ATP9B: variants seen among roughly 807,000 people sequenced by gnomAD.
ATP9B encodes the protein probable phospholipid-transporting ATPase IIB.
In ATP9B, 110 loss-of-function variants were observed where a neutral mutation model predicts 146.1. The ratio of observed to expected loss-of-function variants is 0.75; its 90% CI spans 0.65 to 0.88. ATP9B has a LOEUF of 0.88. ATP9B is among the 40% of genes least tolerant of loss of function. The pLI is 0.00. For missense variants in ATP9B, 1,499 were observed against 1,496.4 expected, an observed-to-expected ratio of 1.00 and a Z score of -0.03; for synonymous variants, 604 against 569.7, an observed-to-expected ratio of 1.06 and a Z score of -0.86.
intron 12 of ATP9B, among the ~76,000 whole-genome samples, chr18:79,268,230 A>G (rs2096223254): frequency 1.3e-5 from 2 of 151,838 alleles, no homozygotes; most frequent in African/African-American, 4.8e-5. Flanking sequence ...CTGTATATTT[A>G]TTTTTATGTG....
At position 79,275,075 on chromosome 18, in the gene ATP9B, T is replaced by A. The variant is rs553646011; in HGVS notation, c.1269-1979T>A. ...TTGCATTATAGTAGCTGAGGCAGGC[T>A]GACACTCTTCAAAACAGTATGACAC... On this transcript the variant is annotated intron_variant, in intron 12 of 29. Transcript: ENST00000426216. 6.6e-5 allele frequency among the ~76,000 whole-genome samples: 10 copies of A among 152,284 alleles called. No individual in the cohort carries two copies. The South Asian group carries it at 1.9e-3, about 28-fold the overall frequency.
intron 25 of ATP9B, among the ~76,000 whole-genome samples, chr18:79,351,220 A>C (rs866920914): frequency 2.6e-5 from 4 of 152,266 alleles, no homozygotes; most frequent in Non-Finnish European, 4.4e-5. Flanking sequence ...AAACATGAAA[A>C]GGAAAATGTG....
chr18:79,096,440 TG>T, intron 1 of ATP9B, 35 bp from the exon 2 acceptor site: 7 of 1,588,742 alleles, frequency 4.4e-6, no homozygotes, highest in Non-Finnish European at 6.0e-6. Flanking sequence ...GAAGACTGCT[TG>T]GCCTATCTCA....
intron 15 of ATP9B, among the ~76,000 whole-genome samples, chr18:79,312,409 C>T (rs1306936771): frequency 3.3e-5 from 5 of 152,228 alleles, no homozygotes; most frequent in Admixed American, 1.3e-4. Context: ...GGCACTCGCT[C>T]GTTTGCTTCT....
intron 26 of ATP9B, chr18:79,364,413 G>T (rs2147895369): frequency 6.6e-6 from 1 of 152,314 alleles, no homozygotes. Flanking sequence ...GAACAGAAAA[G>T]AGAGCCCAGA....
At chr18:79,131,486 C>T (rs961726837) in intron 5 of ATP9B, among the ~76,000 whole-genome samples, 1 of 152,162 alleles carries the variant, frequency 6.6e-6, no homozygotes, top group Admixed American at 6.5e-5. Flanking sequence ...TCACCATACA[C>T]CACTAGGTTG....
rs2096918952 is a variant in ATP9B at position 79,350,859 on chromosome 18, C to T, written c.2903+2663C>T. Reference sequence around the variant, plus strand: ...TCTCAGCTCGCTGCAACCTCTGCCTCCTAGGTTCAAGTGATTCTCCTCCCT... The same window carrying T: ...TCTCAGCTCGCTGCAACCTCTGCCTTCTAGGTTCAAGTGATTCTCCTCCCT... On this transcript the variant is annotated intron_variant, in intron 25 of 29. Coordinates refer to ENST00000426216, the MANE Select transcript of ATP9B (RefSeq NM_198531.5). Among the ~76,000 whole-genome samples the T allele has an allele frequency of 3.3e-5, 5 of 151,376 alleles. No individual in the cohort carries two copies. The South Asian group carries it at 8.3e-4, about 25-fold the overall frequency.
At chr18:79,209,676 G>A in intron 10 of ATP9B, 1 of 985,208 alleles carries the variant, frequency 1.0e-6, no homozygotes, top group South Asian at 4.7e-5. Flanking sequence ...CTTCCTAGTG[G>A]GCATGAAGAC....
At chr18:79,124,056 T>C (rs1039403295) in intron 4 of ATP9B, among the ~76,000 whole-genome samples, 1 of 152,200 alleles carries the variant, frequency 6.6e-6, no homozygotes, top group South Asian at 2.1e-4. Context: ...CATTAGTTGC[T>C]GGCAGGAATG....
chr18:79,295,764 GC>G (rs1161149206), intron 13 of ATP9B, among the ~76,000 whole-genome samples: 4 of 152,160 alleles, frequency 2.6e-5, no homozygotes, highest in Admixed American at 2.6e-4. Flanking sequence ...ATGGGGCAGA[GC>G]CCCCATGAAT....
chr18:79,110,698 A>C (rs189789798), intron 3 of ATP9B, among the ~76,000 whole-genome samples, 193 bp downstream of exon 3: 1 of 152,342 alleles, frequency 6.6e-6, no homozygotes, highest in African/African-American at 2.4e-5. Context: ...TAATGGCTAC[A>C]TCATAGAGTT....
chr18:79,377,155 G>A (rs1110783), intron 29 of ATP9B, 92 bp from the exon 30 acceptor site: 36,671 of 1,480,598 alleles, frequency 0.025, 557 homozygotes, highest in Non-Finnish European at 0.029. Context: ...AGCTTAGACC[G>A]TCTGGTGGCC....
chr18:79,323,086 G>A (rs528604301), intron 15 of ATP9B, among the ~76,000 whole-genome samples: 2 of 152,196 alleles, frequency 1.3e-5, no homozygotes, highest in African/African-American at 4.8e-5. Context: ...AGCATTTATC[G>A]TTGCTTCGCG....
intron 11 of ATP9B, among the ~76,000 whole-genome samples, chr18:79,237,673 T>A (rs1385521080): frequency 1.4e-5 from 2 of 146,184 alleles, no homozygotes; most frequent in Non-Finnish European, 3.0e-5. Flanking sequence ...TTCTAAGTAT[T>A]TGACTTTTTT....
intron 12 of ATP9B, 110 bp downstream of exon 12, chr18:79,253,651 A>G: frequency 8.5e-7 from 1 of 1,176,414 alleles, no homozygotes; most frequent in Non-Finnish European, 1.2e-6. Flanking sequence ...CTAGAGAAGT[A>G]GGAGCCAGAA....
rs564440689 is a variant in ATP9B at position 79,329,430 on chromosome 18, G to GTT, written c.1935+139_1935+140dup. ...GCTTTATGCTGTTACAGTTTTGTTT[G>GTT]TTTTTTTTTTTTAATGAAATCTAAG... On this transcript the variant is annotated intron_variant, in intron 16 of 29. Transcript: ENST00000426216. 1,949 of 802,112 alleles carry GTT rather than the reference G, an allele frequency of 2.4e-3. 1 individual carries two copies. The highest frequency in any genetic ancestry group is 3.0e-3 in the Middle Eastern group (8 of 2,664). The allele number at this position is 802,112 out of a possible 1,614,324, so 49.7% of individuals were successfully genotyped here.
At chr18:79,241,479 C>G (rs549122353) in intron 11 of ATP9B, among the ~76,000 whole-genome samples, 1 of 152,252 alleles carries the variant, frequency 6.6e-6, no homozygotes, top group African/African-American at 2.4e-5. Context: ...GTTCTTCTGG[C>G]CTCCGTCGTC....
At chr18:79,263,433 G>C (rs1025336471) in intron 12 of ATP9B, among the ~76,000 whole-genome samples, 9 of 152,202 alleles carry the variant, frequency 5.9e-5, no homozygotes, top group African/African-American at 9.7e-5. Flanking sequence ...GGGTTGACTT[G>C]ACTTACTAAA....
intron 11 of ATP9B, among the ~76,000 whole-genome samples, chr18:79,223,966 AATG>A (rs1490079968): frequency 6.6e-6 from 1 of 152,184 alleles, no homozygotes; most frequent in Non-Finnish European, 1.5e-5. Context: ...CCAAATAAAA[AATG>A]CAAGCATTTT....
Sources: allele counts gnomAD v4.1 joint callset (sites outside exome capture counted in the v4.1 genomes callset), GRCh38; gene constraint gnomAD v4.1.1; transcripts MANE v1.5; gene names NCBI Gene and HGNC (gene_info 2026-07-23, HGNC 2026-07-21).